WRN: variants seen among roughly 807,000 people sequenced by gnomAD.
WRN encodes the protein WRN RecQ like helicase.
In WRN, 149 loss-of-function variants were observed where a neutral mutation model predicts 180.7. The ratio of observed to expected loss-of-function variants is 0.82; its 90% confidence interval spans 0.72 to 0.94. WRN has a LOEUF of 0.94. Ranked by LOEUF, WRN falls within the 40% of genes least tolerant of loss-of-function variation. The pLI is 0.00. For missense variants in WRN, 1,661 were observed against 1,700.1 expected (o/e 0.98, Z 0.40); for synonymous variants, 548 against 568.9 (o/e 0.96, Z 0.52).
At chr8:31,049,530 G>T (rs1563321992) in intron 1 of WRN, among the ~76,000 whole-genome samples, 1 of 149,260 alleles carries the variant, frequency 6.7e-6, no homozygotes, top group Admixed American at 6.8e-5. Flanking sequence ...AAAAAAAAGA[G>T]ATGGGTTTTG....
intron 1 of WRN, among the ~76,000 whole-genome samples, chr8:31,040,574 T>G (rs779845900): frequency 3.9e-5 from 6 of 152,082 alleles, no homozygotes; most frequent in Admixed American, 1.3e-4. Flanking sequence ...AGAAGATGGG[T>G]GTGATTAATT....
At chr8:31,159,450 G>A (rs1803522571) in intron 33 of WRN, among the ~76,000 whole-genome samples, 2 of 152,050 alleles carry the variant, frequency 1.3e-5, no homozygotes, top group Non-Finnish European at 2.9e-5. Flanking sequence ...GGGATCAATT[G>A]TACCTCAAAC....
chr8:31,074,019 C>G (rs1813007997), intron 7 of WRN, among the ~76,000 whole-genome samples: 1 of 151,858 alleles, frequency 6.6e-6, no homozygotes. Flanking sequence ...CAGGTTCACA[C>G]TATTCTCCTG....
chr8:31,045,209 A>G lies in WRN; in HGVS notation c.-77+11236A>G, dbSNP rs895009579. 3.3e-5 allele frequency among the ~76,000 whole-genome samples: 5 copies of G among 152,112 alleles called. No homozygotes were observed. The East Asian group carries it at 9.6e-4, about 29-fold the overall frequency. ...TTTCTGGACATGGCAAGTTTTATTT[A>G]TTTATTGTATGTATTTACGGTGTAC... On this transcript the variant is annotated intron_variant, in intron 1 of 34. Coordinates refer to ENST00000298139, the MANE Select transcript of WRN (RefSeq NM_000553.6).
chr8:31,055,498 A>G (rs1812235467), intron 1 of WRN, among the ~76,000 whole-genome samples: 2 of 152,010 alleles, frequency 1.3e-5, no homozygotes, highest in Non-Finnish European at 2.9e-5. Flanking sequence ...AAAGATTTGT[A>G]TTTCTCTACT....
intron 9 of WRN, among the ~76,000 whole-genome samples, chr8:31,082,388 G>A (rs919371255): frequency 5.3e-5 from 8 of 152,096 alleles, no homozygotes; most frequent in African/African-American, 1.7e-4. Flanking sequence ...GTAACTATTA[G>A]TAATCACTTT....
chr8:31,164,086 C>T (rs1369583647), intron 33 of WRN, among the ~76,000 whole-genome samples: 1 of 152,170 alleles, frequency 6.6e-6, no homozygotes, highest in Non-Finnish European at 1.5e-5. Flanking sequence ...GATCCTCCCA[C>T]CTCAGCCTGC....
intron 18 of WRN, among the ~76,000 whole-genome samples, chr8:31,109,839 A>T (rs1344004306): frequency 6.6e-6 from 1 of 152,182 alleles, no homozygotes; most frequent in Non-Finnish European, 1.5e-5. Flanking sequence ...AAGCAATCTG[A>T]TTCCAAAACA....
rs2130005674 is a variant in WRN, at chr8:31,059,247, T to C, written c.191T>C (p.Phe64Ser). The part of the protein sequence containing the change: ...VYSYDASDCS[F>S]LSEDISMSLS... ...AGTTACGATGCTAGTGATTGCTCTTTCCTGTCAGAAGATATTAGGTAAGTG... is the reference window on the plus strand; with the variant it reads ...AGTTACGATGCTAGTGATTGCTCTTCCCTGTCAGAAGATATTAGGTAAGTG... Residue 64 changes from phenylalanine to serine, a missense_variant, in exon 3 of 35, where the codon TTC (phenylalanine) becomes TCC (serine). By Grantham distance (155) the Phe-to-Ser change is radical (BLOSUM62 -2). Around this residue, in one of 3 missense-constraint regions of WRN, gnomAD observed 500 missense variants for 504.1 expected, o/e 0.99. Transcript: ENST00000298139. 3 of 1,613,528 alleles carry C rather than the reference T, an allele frequency of 1.9e-6. No homozygotes were observed. The highest frequency in any genetic ancestry group is 2.2e-5 in the East Asian group (1 of 44,786).
At chr8:31,139,741 A>G (rs1386970778) in intron 24 of WRN, among the ~76,000 whole-genome samples, 1 of 152,118 alleles carries the variant, frequency 6.6e-6, no homozygotes, top group Non-Finnish European at 1.5e-5. Flanking sequence ...TACCTCCACA[A>G]TCATGCATGC....
chr8:31,052,769 C>G (rs1321443705), intron 1 of WRN, among the ~76,000 whole-genome samples: 1 of 151,822 alleles, frequency 6.6e-6, no homozygotes, highest in Non-Finnish European at 1.5e-5. Context: ...ATGGATGTAC[C>G]ATACTTAATT....
rs776963381 is a variant in WRN at position 31,147,052 on chromosome 8, G to A, written c.3384-1G>A. The stretch of plus-strand genomic sequence containing the variant: ...TATTTATTTTCTTTTAAATATTTTA[G>A]TATCATGGTACAGTCACCAGAAAAA... On this transcript the variant is annotated splice_acceptor_variant, in intron 28 of 34. Coordinates refer to ENST00000298139, the MANE Select transcript of WRN (RefSeq NM_000553.6). LOFTEE classifies it high-confidence loss of function. The A allele has an allele frequency of 1.2e-5, 19 of 1,609,188 alleles. No homozygotes were observed. The highest frequency in any genetic ancestry group is 1.5e-5 in the Non-Finnish European group (18 of 1,177,220).
At chr8:31,060,616 G>C (rs2130013282) in intron 3 of WRN, among the ~76,000 whole-genome samples, 1 of 152,272 alleles carries the variant, frequency 6.6e-6, no homozygotes, top group Middle Eastern at 3.4e-3. Context: ...ATAGATATAA[G>C]CTAGAAATAA....
intron 33 of WRN, among the ~76,000 whole-genome samples, chr8:31,157,894 T>C (rs2737343): frequency 0.36 from 55,269 of 151,788 alleles, 10,502 homozygotes; most frequent in East Asian, 0.62. Flanking sequence ...TGCCCAGCTA[T>C]TTTTTGTATT....
intron 7 of WRN, among the ~76,000 whole-genome samples, chr8:31,069,396 G>C (rs941940256): frequency 1.3e-5 from 2 of 151,984 alleles, no homozygotes; most frequent in Non-Finnish European, 2.9e-5. Flanking sequence ...CTGTAACTTA[G>C]AGTCAGTCTC....
rs373908613 is a variant in WRN at position 31,142,738 on chromosome 8, C to T, written c.3309+37C>T. The T allele has an allele frequency of 1.5e-4, 219 of 1,487,474 alleles. No individual in the cohort carries two copies. In the African/African-American group the frequency reaches 2.8e-3, roughly 19 times the overall value. The allele number at this position is 1,487,474 out of a possible 1,614,324, so 92.1% of individuals were successfully genotyped here. A position where few individuals can be genotyped will look rare whatever the true frequency, so the allele number is the denominator to read the frequency against. On this transcript the variant is annotated intron_variant, in intron 27 of 34. Coordinates refer to ENST00000298139, the MANE Select transcript of WRN (RefSeq NM_000553.6). Reference sequence around the variant, plus strand: ...AGAAATTGTTCTGATTTATTTCATTCTTTATTGATTCAAATTCTGTTTAAA... The same window carrying T: ...AGAAATTGTTCTGATTTATTTCATTTTTTATTGATTCAAATTCTGTTTAAA...
chr8:31,108,186 T>C (rs1300699676), intron 18 of WRN, among the ~76,000 whole-genome samples: 1 of 152,238 alleles, frequency 6.6e-6, no homozygotes, highest in Non-Finnish European at 1.5e-5. Context: ...GAATACATTT[T>C]GTGAGTTAAG....
intron 18 of WRN, among the ~76,000 whole-genome samples, chr8:31,109,325 T>C (rs1161738360): frequency 1.3e-5 from 2 of 152,240 alleles, no homozygotes; most frequent in African/African-American, 4.8e-5. Flanking sequence ...TACTTTATTT[T>C]CTAATTGTAG....
chr8:31,091,013 A>T (rs1813730141), intron 15 of WRN, 71 bp downstream of exon 15: 3 of 1,151,820 alleles, frequency 2.6e-6, no homozygotes, highest in Non-Finnish European at 3.9e-6. Context: ...CTGATCCATC[A>T]TGCATGTTAA....
Sources: gnomAD v4.1 joint callset for allele counts (sites outside exome capture counted in the v4.1 genomes callset) on GRCh38, gnomAD v4.1.1 for gene constraint, gnomAD v4.1.1 regional missense constraint, MANE v1.5 for transcripts, NCBI Gene and HGNC (gene_info 2026-07-23, HGNC 2026-07-21) for gene names.